The following COG5 variants were observed in gnomAD, a reference collection of about 807,000 sequenced individuals.
COG5 encodes the protein conserved oligomeric Golgi complex subunit 5.
Under a neutral mutation model 110.4 loss-of-function variants are expected in COG5, and 86 were observed. The ratio of observed to expected loss-of-function variants is 0.78; its 90% confidence interval spans 0.65 to 0.93. The LOEUF is 0.93. Ranked by LOEUF, COG5 falls within the 40% of genes least tolerant of loss-of-function variation. The pLI, the probability that COG5 is intolerant of heterozygous loss-of-function variation, is 0.00. For missense variants in COG5, 1,077 were observed against 987.0 expected (o/e 1.09, Z -1.22); for synonymous variants, 360 against 334.6 (o/e 1.08, Z -0.83).
chr7:107,517,759 G>T (rs770528309), intron 6 of COG5, among the ~76,000 whole-genome samples: 85 of 151,282 alleles, frequency 5.6e-4, no homozygotes, highest in Non-Finnish European at 1.0e-3. Flanking sequence ...GTGCAGTGGC[G>T]CAATCTCGGC....
chr7:107,214,521 A>G (rs1799385300), intron 19 of COG5, among the ~76,000 whole-genome samples: 1 of 152,232 alleles, frequency 6.6e-6, no homozygotes, highest in South Asian at 2.1e-4. Flanking sequence ...TGAAAACACA[A>G]AAATCAATGC....
chr7:107,204,420 C>A (rs187436481), intron 21 of COG5, among the ~76,000 whole-genome samples: 1 of 151,824 alleles, frequency 6.6e-6, no homozygotes, highest in Admixed American at 6.5e-5. Flanking sequence ...TGAACCAGAT[C>A]GTCTGTTTAA....
intron 11 of COG5, among the ~76,000 whole-genome samples, chr7:107,314,568 C>T (rs1054253224): frequency 1.0e-4 from 15 of 147,856 alleles, no homozygotes; most frequent in Admixed American, 3.4e-4. Flanking sequence ...CACGGTGAAA[C>T]CCCATCTCTA....
chr7:107,476,973 A>C (rs1797033767), intron 6 of COG5, among the ~76,000 whole-genome samples: 1 of 151,686 alleles, frequency 6.6e-6, no homozygotes, highest in Non-Finnish European at 1.5e-5. Flanking sequence ...TAATAATGTT[A>C]ACATAATGTC....
intron 6 of COG5, among the ~76,000 whole-genome samples, chr7:107,508,654 C>T (rs1251301204): frequency 4.6e-5 from 7 of 152,212 alleles, no homozygotes; most frequent in Non-Finnish European, 8.8e-5. Flanking sequence ...TGACACCTTA[C>T]ACGGCCGGGT....
chr7:107,309,723 C>T (rs544212208), intron 11 of COG5, among the ~76,000 whole-genome samples: 1 of 152,228 alleles, frequency 6.6e-6, no homozygotes, highest in African/African-American at 2.4e-5. Context: ...CATCTACATT[C>T]ACTTATTTAA....
intron 6 of COG5, among the ~76,000 whole-genome samples, chr7:107,465,410 G>A (rs1400187718): frequency 6.6e-6 from 1 of 152,136 alleles, no homozygotes; most frequent in Non-Finnish European, 1.5e-5. Context: ...TGCAGGATCT[G>A]TAGGCCAAGA....
At chr7:107,323,604 T>A (rs2129026961) in intron 11 of COG5, among the ~76,000 whole-genome samples, 1 of 152,316 alleles carries the variant, frequency 6.6e-6, no homozygotes, top group African/African-American at 2.4e-5. Context: ...CCCATTAGGT[T>A]AAGTTCTGTT....
chr7:107,547,866 T>C, intron 5 of COG5: 1 of 467,612 alleles, frequency 2.1e-6, no homozygotes, highest in Admixed American at 3.7e-5. Flanking sequence ...AAAACATTGA[T>C]GAAAGAAATT....
At chr7:107,533,071 TGCA>T (rs1801327066) in intron 5 of COG5, among the ~76,000 whole-genome samples, 1 of 151,962 alleles carries the variant, frequency 6.6e-6, no homozygotes, top group East Asian at 1.9e-4. Flanking sequence ...CCAGCAGACC[TGCA>T]GCAGAGGGGC....
chr7:107,328,603 T>C (rs1438923659), intron 10 of COG5, among the ~76,000 whole-genome samples: 3 of 152,118 alleles, frequency 2.0e-5, no homozygotes, highest in East Asian at 3.8e-4. Context: ...ATAATGGTAA[T>C]TGCCAAGAGA....
intron 6 of COG5, among the ~76,000 whole-genome samples, chr7:107,488,939 T>C (rs183659460): frequency 1.3e-5 from 2 of 152,312 alleles, no homozygotes; most frequent in Non-Finnish European, 2.9e-5. Flanking sequence ...AAAGTTATAA[T>C]GTCACATATA....
At chr7:107,364,635 C>A (rs760928459) in intron 8 of COG5, among the ~76,000 whole-genome samples, 1 of 152,092 alleles carries the variant, frequency 6.6e-6, no homozygotes, top group Non-Finnish European at 1.5e-5. Flanking sequence ...AGTAGAAGAA[C>A]TCATCATTGG....
At chr7:107,226,863 A>C (rs1298820758) in intron 19 of COG5, among the ~76,000 whole-genome samples, 1 of 152,262 alleles carries the variant, frequency 6.6e-6, no homozygotes, top group Non-Finnish European at 1.5e-5. Flanking sequence ...TTCAATATAA[A>C]TATAGAAATA....
chr7:107,362,378 G>C lies in COG5; in HGVS notation c.878C>G (p.Ala293Gly). ...GGTCCAGAATGAGGCACGCAAAGCT[G>C]CAGTATTTCCTGGGGTTGGCATGGT... is the stretch of plus-strand genomic sequence containing the variant. ...RSTMPTPGNT[A>G]ALRASFWTNM... Residue 293 changes from alanine (A) to glycine (G), a missense_variant, in exon 9 of 22, where the codon GCA becomes GGA. Ala to Gly is a moderately conservative substitution (Grantham distance 60). Transcript: ENST00000297135. The C allele has an allele frequency of 6.2e-7, 1 of 1,613,910 alleles. No individual in the cohort carries two copies. Among genetic ancestry groups the C allele is most frequent in the Non-Finnish European group, 8.5e-7 (1 of 1,179,822 alleles).
chr7:107,219,710 G>A (rs541336510), intron 19 of COG5, among the ~76,000 whole-genome samples: 9 of 152,228 alleles, frequency 5.9e-5, no homozygotes, highest in Admixed American at 5.9e-4. Context: ...TTTAGTTAAA[G>A]GGTACAAAGT....
intron 19 of COG5, among the ~76,000 whole-genome samples, chr7:107,219,666 T>C (rs1023843317): frequency 3.9e-5 from 6 of 152,298 alleles, no homozygotes; most frequent in African/African-American, 1.2e-4. Flanking sequence ...GAATGGTAGT[T>C]ACCAGAGGCT....
chr7:107,416,943 A>T (rs1364088496), intron 6 of COG5, among the ~76,000 whole-genome samples: 1 of 152,208 alleles, frequency 6.6e-6, no homozygotes, highest in Non-Finnish European at 1.5e-5. Flanking sequence ...GAAATTATAT[A>T]ACCCCATAAC....
intron 6 of COG5, 41 bp downstream of exon 6, chr7:107,527,196 A>C: frequency 6.7e-7 from 1 of 1,486,954 alleles, no homozygotes; most frequent in Non-Finnish European, 9.0e-7. Flanking sequence ...AAATATTTAA[A>C]TCTCTACTAA....
Sources: gnomAD v4.1 joint callset for allele counts (sites outside exome capture counted in the v4.1 genomes callset) on GRCh38, gnomAD v4.1.1 for gene constraint, MANE v1.5 for transcripts, NCBI Gene and HGNC (gene_info 2026-07-23, HGNC 2026-07-21) for gene names.